ALK: variants seen among roughly 807,000 people sequenced by gnomAD.
ALK encodes ALK receptor tyrosine kinase, also known as ALK tyrosine kinase receptor.
A neutral mutation model predicts 163.1 loss-of-function variants in ALK; 74 were observed. The ratio of observed to expected loss-of-function variants is 0.45; its 90% CI spans 0.38 to 0.55. ALK has a LOEUF of 0.55. Ranked by LOEUF, ALK falls within the 20% of genes least tolerant of loss-of-function variation. The probability of loss-of-function intolerance (pLI) is 0.00; values close to 1 mark genes in which losing one functional copy is unlikely to be tolerated. For missense variants in ALK, 2,063 were observed against 2,105.3 expected (o/e 0.98, Z 0.39); for synonymous variants, 960 against 843.2 (o/e 1.14, Z -2.40).
chr2:29,454,920 C>T lies in ALK; in HGVS notation c.1155-71061G>A, dbSNP rs573712476. Among the ~76,000 whole-genome samples, 202 of 152,122 alleles carry T rather than the reference C, an allele frequency of 1.3e-3. 1 individual carries two copies. Among genetic ancestry groups the T allele is most frequent in the African/African-American group, 4.4e-3 (183 of 41,522 alleles). On this transcript the variant is annotated intron_variant, in intron 4 of 28. Coordinates refer to ENST00000389048, the MANE Select transcript of ALK (RefSeq NM_004304.5). The stretch of plus-strand genomic sequence containing the variant: ...TAGTTGTTCAAATAAAAGTCCTATG[C>T]GGTTAGTTTCATGTACCTGCTTCAC...
intron 11 of ALK, among the ~76,000 whole-genome samples, chr2:29,269,764 A>G (rs376060092): frequency 2.0e-5 from 3 of 152,340 alleles, no homozygotes; most frequent in African/African-American, 7.2e-5. Flanking sequence ...CAAGGGTTCT[A>G]ACTACGGTCC....
At chr2:29,556,703 T>C (rs1243860569) in intron 3 of ALK, among the ~76,000 whole-genome samples, 1 of 152,204 alleles carries the variant, frequency 6.6e-6, no homozygotes, top group Non-Finnish European at 1.5e-5. Flanking sequence ...TTCATTTAAA[T>C]GTGGAAGTGA....
intron 8 of ALK, among the ~76,000 whole-genome samples, chr2:29,299,304 A>G (rs1666298990): frequency 6.6e-6 from 1 of 152,178 alleles, no homozygotes; most frequent in Non-Finnish European, 1.5e-5. Flanking sequence ...ACAACTGTCG[A>G]TGGTTTCTCA....
chr2:29,831,813 C>T (rs1331245220), intron 1 of ALK, among the ~76,000 whole-genome samples: 1 of 152,162 alleles, frequency 6.6e-6, no homozygotes, highest in Non-Finnish European at 1.5e-5. Context: ...TTTAATAGCA[C>T]TCATTATTAT....
chr2:29,876,686 T>TGATGGTGACG (rs879429677), intron 1 of ALK, among the ~76,000 whole-genome samples: 1 of 137,988 alleles, frequency 7.2e-6, no homozygotes, highest in Non-Finnish European at 1.6e-5. Context: ...ACGATGGTGA[T>TGATGGTGACG]ATGGTGATGG....
intron 4 of ALK, among the ~76,000 whole-genome samples, chr2:29,431,244 A>G (rs1326889764): frequency 6.6e-6 from 1 of 152,172 alleles, no homozygotes; most frequent in African/African-American, 2.4e-5. Context: ...AATGATAAAT[A>G]TGGGAAGATA....
At chr2:29,331,278 A>G (rs1187628713) in intron 5 of ALK, among the ~76,000 whole-genome samples, 6 of 152,210 alleles carry the variant, frequency 3.9e-5, no homozygotes, top group Non-Finnish European at 7.3e-5. Context: ...AGGAAAATGC[A>G]CAACAAAAAA....
intron 8 of ALK, among the ~76,000 whole-genome samples, chr2:29,306,627 T>C (rs1294847797): frequency 1.3e-5 from 2 of 152,130 alleles, no homozygotes; most frequent in Admixed American, 6.5e-5. Context: ...TTTACAACCA[T>C]TGTCCTTACC....
At chr2:29,604,184 A>C (rs1167781975) in intron 3 of ALK, among the ~76,000 whole-genome samples, 1 of 136,780 alleles carries the variant, frequency 7.3e-6, no homozygotes, top group East Asian at 2.2e-4. Context: ...TTTTTTTTAC[A>C]GTTTTTAACT....
chr2:29,493,125 A>C (rs78411803), intron 4 of ALK, among the ~76,000 whole-genome samples: 41,910 of 152,112 alleles, frequency 0.28, 6,862 homozygotes, highest in Non-Finnish European at 0.37. Flanking sequence ...AAGTGGATTT[A>C]CACTTACTTG....
At chr2:29,701,630 G>A (rs1254005364) in intron 2 of ALK, among the ~76,000 whole-genome samples, 2 of 152,192 alleles carry the variant, frequency 1.3e-5, no homozygotes, top group Non-Finnish European at 2.9e-5. Flanking sequence ...ATGCTGTAGT[G>A]TGTATAGAAG....
At chr2:29,897,832 A>G (rs1271342540) in intron 1 of ALK, among the ~76,000 whole-genome samples, 1 of 152,120 alleles carries the variant, frequency 6.6e-6, no homozygotes, top group Non-Finnish European at 1.5e-5. Flanking sequence ...GTACGGTGAG[A>G]GTCCTTCTTG....
At chr2:29,314,103 G>A (rs1399510560) in intron 8 of ALK, among the ~76,000 whole-genome samples, 2 of 152,106 alleles carry the variant, frequency 1.3e-5, no homozygotes, top group Admixed American at 6.5e-5. Flanking sequence ...GGATAAGCCT[G>A]TTTCCAGGGA....
rs72788262 is a variant in ALK at position 29,835,709 on chromosome 2, G to A, written c.667+84284C>T. Among the ~76,000 whole-genome samples, 956 of 152,284 alleles carry A rather than the reference G, an allele frequency of 6.3e-3. 7 individuals are homozygous for A. The highest frequency in any genetic ancestry group is 0.011 in the Non-Finnish European group (732 of 68,034). On this transcript the variant is annotated intron_variant, in intron 1 of 28. Coordinates refer to ENST00000389048, the MANE Select transcript of ALK (RefSeq NM_004304.5). Reference sequence around the variant, plus strand: ...GATGGGACACAATTGAATCATGTGGGTGGTATCCCCCATATTGTTCTCATG... The same window carrying A: ...GATGGGACACAATTGAATCATGTGGATGGTATCCCCCATATTGTTCTCATG...
At position 29,534,343 on chromosome 2, in the gene ALK, G is replaced by A. The variant is rs4630721; in HGVS notation, c.953-2227C>T. On this transcript the variant is annotated intron_variant, in intron 3 of 28. Transcript: ENST00000389048. ...TGCTATATTACTGTTGTAAGCAAAGGCAATGTGTTGAGGGTGGATGACTGG... is the reference window on the plus strand; with the variant it reads ...TGCTATATTACTGTTGTAAGCAAAGACAATGTGTTGAGGGTGGATGACTGG... 3.3e-5 allele frequency among the ~76,000 whole-genome samples: 5 copies of A among 152,326 alleles called. No individual in the cohort carries two copies. In the South Asian group the frequency reaches 6.2e-4, roughly 19 times the overall value.
At chr2:29,583,030 C>CTTTTTTTTTTTTTTTTTTT (rs759185460) in intron 3 of ALK, among the ~76,000 whole-genome samples, 1 of 83,304 alleles carries the variant, frequency 1.2e-5, no homozygotes, top group Admixed American at 1.1e-4. Context: ...GCCTGGCTAA[C>CTTTTTTTTTTTTTTTTTTT]TTTTGTTTTT....
At position 29,219,261 on chromosome 2, in the gene ALK, C is replaced by G. The variant is rs113365630; in HGVS notation, c.3645+1445G>C. The stretch of plus-strand genomic sequence containing the variant: ...GCCCAGTCCTCCTGCCAGGTATGCT[C>G]AGGTGCACACAAATTCCTCTTCTCA... On this transcript the variant is annotated intron_variant, in intron 23 of 28. Coordinates refer to ENST00000389048, the MANE Select transcript of ALK (RefSeq NM_004304.5). 3.2e-3 allele frequency among the ~76,000 whole-genome samples: 491 copies of G among 152,290 alleles called. 1 individual carries two copies. Among genetic ancestry groups the G allele is most frequent in the African/African-American group, 0.011 (443 of 41,544 alleles).
chr2:29,857,451 T>C lies in ALK; in HGVS notation c.667+62542A>G, dbSNP rs149453519. On this transcript the variant is annotated intron_variant, in intron 1 of 28. Transcript: ENST00000389048. The stretch of plus-strand genomic sequence containing the variant: ...CAATGAGATGATCCAGCTTTGACTG[T>C]GGCATATAATAGTGTAGTCACCCTT... 4.5e-3 allele frequency among the ~76,000 whole-genome samples: 685 copies of C among 152,278 alleles called. 1 individual carries two copies. The highest frequency in any genetic ancestry group is 0.016 in the African/African-American group (654 of 41,544).
Position 29,920,405 on chromosome 2 carries a change from G to A in ALK, c.255C>T (p.Pro85=), listed in dbSNP as rs372277804. The change falls in exon 1 of 29, where the codon CCC becomes CCT. Residue 85 remains proline (P), a synonymous_variant. Coordinates refer to ENST00000389048, the MANE Select transcript of ALK (RefSeq NM_004304.5). ...PSSSELKAGR[P]EARGSLALDC... is the part of the protein sequence containing the mutation. ...CCAGAGCTAGCGAGCCGCGGGCCTC[G>A]GGCCTGCCAGCCTTCAGCTCCGAGG... The A allele has an allele frequency of 2.9e-5, 46 of 1,581,140 alleles. No individual in the cohort carries two copies. Among genetic ancestry groups the A allele is most frequent in the Non-Finnish European group, 3.7e-5 (43 of 1,164,418 alleles).
Sources: gnomAD v4.1 joint callset for allele counts (sites outside exome capture counted in the v4.1 genomes callset) on GRCh38, gnomAD v4.1.1 for gene constraint, MANE v1.5 for transcripts, NCBI Gene and HGNC (gene_info 2026-07-23, HGNC 2026-07-21) for gene names.